Variants in LRRIQ3 observed in about 807,000 individuals in gnomAD.
LRRIQ3 encodes leucine rich repeats and IQ motif containing 3.
A neutral mutation model predicts 59.3 loss-of-function variants in LRRIQ3; 75 were observed. That is an observed-to-expected ratio of 1.26 (90% confidence interval 1.05 to 1.53). The LOEUF is 1.53. LRRIQ3 is among the 40% of genes most tolerant of loss of function. The pLI, the probability that LRRIQ3 is intolerant of heterozygous loss-of-function variation, is 0.00. For synonymous variants in LRRIQ3, 250 were observed against 231.3 expected, an observed-to-expected ratio of 1.08 and a Z score of -0.73; for missense variants, 831 against 710.0, an observed-to-expected ratio of 1.17 and a Z score of -1.94.
intron 6 of LRRIQ3, among the ~76,000 whole-genome samples, chr1:74,049,498 C>T (rs1654298578): frequency 6.6e-6 from 1 of 151,972 alleles, no homozygotes; most frequent in Admixed American, 6.6e-5. Context: ...ATATGTTTTA[C>T]AAGTATAGTC....
At chr1:74,141,996 C>A (rs1033623330) in intron 4 of LRRIQ3, among the ~76,000 whole-genome samples, 1 of 151,764 alleles carries the variant, frequency 6.6e-6, no homozygotes, top group Admixed American at 6.6e-5. Context: ...CACACACACA[C>A]ACACACACAC....
intron 5 of LRRIQ3, among the ~76,000 whole-genome samples, chr1:74,103,891 G>A (rs1646569831): frequency 6.6e-6 from 1 of 151,452 alleles, no homozygotes; most frequent in Non-Finnish European, 1.5e-5. Flanking sequence ...ACCTCACCGT[G>A]ACTTGCCAGC....
intron 4 of LRRIQ3, among the ~76,000 whole-genome samples, chr1:74,117,660 G>A (rs1397150489): frequency 6.6e-6 from 1 of 152,064 alleles, no homozygotes; most frequent in East Asian, 1.9e-4. Context: ...CAGCTACTCA[G>A]GAGGCTGAGG....
chr1:74,072,026 A>G (rs74732456), intron 6 of LRRIQ3, among the ~76,000 whole-genome samples: 1,733 of 152,278 alleles, frequency 0.011, 48 homozygotes, highest in East Asian at 0.054. Context: ...GAAAATACAT[A>G]GAATAACATG....
At chr1:74,049,785 C>T (rs1654310948) in intron 6 of LRRIQ3, among the ~76,000 whole-genome samples, 1 of 150,788 alleles carries the variant, frequency 6.6e-6, no homozygotes, top group Non-Finnish European at 1.5e-5. Flanking sequence ...TTAAAACTTT[C>T]ACTAATGTAA....
At position 74,139,233 on chromosome 1, in the gene LRRIQ3, T is replaced by A. The variant is rs1647188462; in HGVS notation, c.707+16500A>T. 2.0e-5 allele frequency among the ~76,000 whole-genome samples: 3 copies of A among 147,790 alleles called. No homozygotes were observed. The Admixed American group carries it at 2.1e-4, about 10-fold the overall frequency. On this transcript the variant is annotated intron_variant, in intron 4 of 7. Coordinates refer to ENST00000354431, the MANE Select transcript of LRRIQ3 (RefSeq NM_001105659.2). ...ATGATGGCTTTGGGGAAATAAAATG[T>A]ATAATTTGACTTCAAACTTTTCAGT...
Position 74,041,278 on chromosome 1 carries a change from A to C in LRRIQ3, c.1653T>G (p.Ile551Met). 6.2e-7 allele frequency: 1 copy of C among 1,604,646 alleles called. No homozygotes were observed. Among genetic ancestry groups the C allele is most frequent in the Non-Finnish European group, 8.5e-7 (1 of 1,177,768 alleles). ...TTTCTGCTTTTAGTTTTTGCTTAAC[A>C]ATCAGGCTTTTCTCTTTTAGGACAG... ...NEAVLKEKSL[I>M]VKQKLKAEKY... is the part of the protein sequence containing the mutation. The change falls in exon 7 of 8, where the codon ATT (isoleucine) becomes ATG (methionine). Residue 551 changes from isoleucine (I) to methionine (M), a missense_variant. Coordinates refer to ENST00000354431, the MANE Select transcript of LRRIQ3 (RefSeq NM_001105659.2).
intron 3 of LRRIQ3, among the ~76,000 whole-genome samples, chr1:74,169,410 GTTTC>G (rs1649187398): frequency 6.6e-6 from 1 of 152,030 alleles, no homozygotes; most frequent in Non-Finnish European, 1.5e-5. Flanking sequence ...GATTTTAATT[GTTTC>G]TTATATAGAC....
rs114767000 is a variant in LRRIQ3, at chr1:74,053,982, C to T, written c.998-12049G>A. 5.0e-3 allele frequency among the ~76,000 whole-genome samples: 756 copies of T among 152,228 alleles called. 8 individuals carry two copies. Among genetic ancestry groups the T allele is most frequent in the African/African-American group, 0.017 (727 of 41,556 alleles). Reference sequence around the variant, plus strand: ...GTTTACAAAACTAAAGATATTCTCACTGTAAAATCCAGCTGTCATGTTCCT... The same window carrying T: ...GTTTACAAAACTAAAGATATTCTCATTGTAAAATCCAGCTGTCATGTTCCT... On this transcript the variant is annotated intron_variant, in intron 6 of 7. Coordinates refer to ENST00000354431, the MANE Select transcript of LRRIQ3 (RefSeq NM_001105659.2).
intron 4 of LRRIQ3, 35 bp from the exon 5 acceptor site, chr1:74,109,588 T>C (rs747206785): frequency 1.3e-6 from 2 of 1,519,796 alleles, no homozygotes; most frequent in Non-Finnish European, 1.8e-6. Flanking sequence ...TATTTGTTAG[T>C]TTTTTGCCAT....
At chr1:74,152,958 T>C (rs963410176) in intron 4 of LRRIQ3, among the ~76,000 whole-genome samples, 25 of 152,312 alleles carry the variant, frequency 1.6e-4, no homozygotes, top group South Asian at 1.0e-3. Context: ...AAACTCTTAA[T>C]GTTTCATCTG....
chr1:74,071,132 A>T (rs1243738995), intron 6 of LRRIQ3, among the ~76,000 whole-genome samples: 1 of 151,816 alleles, frequency 6.6e-6, no homozygotes, highest in East Asian at 1.9e-4. Context: ...GTATGTATAT[A>T]TAACTATCTA....
intron 7 of LRRIQ3, among the ~76,000 whole-genome samples, chr1:74,032,298 C>T (rs1453338975): frequency 2.0e-5 from 3 of 152,024 alleles, no homozygotes; most frequent in African/African-American, 7.2e-5. Context: ...TTTCATTCCA[C>T]ATAACAATTT....
chr1:74,179,142 TA>T (rs1309121049), intron 3 of LRRIQ3, among the ~76,000 whole-genome samples: 3 of 152,118 alleles, frequency 2.0e-5, no homozygotes, highest in Non-Finnish European at 4.4e-5. Flanking sequence ...CTCTGATCTT[TA>T]AAAAGTTACA....
chr1:74,056,856 T>G (rs913443229), intron 6 of LRRIQ3, among the ~76,000 whole-genome samples: 7 of 152,052 alleles, frequency 4.6e-5, no homozygotes, highest in Admixed American at 6.6e-5. Context: ...AGGGACCTGG[T>G]GGGATGTAAT....
At chr1:74,152,048 G>A (rs1648023325) in intron 4 of LRRIQ3, among the ~76,000 whole-genome samples, 1 of 151,934 alleles carries the variant, frequency 6.6e-6, no homozygotes, top group Admixed American at 6.6e-5. Context: ...GTAGACAATG[G>A]AAGCAGGCCA....
chr1:74,157,727 CTA>C (rs1398573983), intron 3 of LRRIQ3, among the ~76,000 whole-genome samples: 1 of 151,990 alleles, frequency 6.6e-6, no homozygotes. Context: ...TTAAAAAAAA[CTA>C]TATATACCAT....
intron 6 of LRRIQ3, among the ~76,000 whole-genome samples, chr1:74,056,896 G>GT (rs1654552603): frequency 6.6e-6 from 1 of 152,100 alleles, no homozygotes; most frequent in African/African-American, 2.4e-5. Context: ...CTCCCATGCT[G>GT]TTCTCATGAT....
intron 5 of LRRIQ3, among the ~76,000 whole-genome samples, chr1:74,085,984 T>C (rs760893696): frequency 8.6e-5 from 13 of 152,026 alleles, no homozygotes; most frequent in Non-Finnish European, 1.9e-4. Context: ...TCCATCTCTG[T>C]AATCACCCTC....
Sources: gnomAD v4.1 joint callset for allele counts (sites outside exome capture counted in the v4.1 genomes callset) on GRCh38, gnomAD v4.1.1 for gene constraint, MANE v1.5 for transcripts, NCBI Gene and HGNC (gene_info 2026-07-23, HGNC 2026-07-21) for gene names.